KALRN: variants seen among roughly 807,000 people sequenced by gnomAD.
KALRN encodes the protein kalirin RhoGEF kinase.
A neutral mutation model predicts 353.7 loss-of-function variants in KALRN; 70 were observed. The ratio of observed to expected loss-of-function variants is 0.20; its 90% CI spans 0.16 to 0.24. The LOEUF is 0.24. Among genes scored for constraint, KALRN ranks in the 10% least tolerant of loss-of-function variants. KALRN has a pLI of 1.00. For missense variants in KALRN, 2,791 were observed against 3,756.7 expected, an observed-to-expected ratio of 0.74 and a Z score of 6.72; for synonymous variants, 1,391 against 1,434.8, an observed-to-expected ratio of 0.97 and a Z score of 0.69.
Position 124,659,470 on chromosome 3 carries a change from G to C in KALRN, c.6216+13G>C. The C allele has an allele frequency of 6.4e-7, 1 of 1,555,356 alleles. No individual in the cohort carries two copies. The highest frequency in any genetic ancestry group is 8.9e-7 in the Non-Finnish European group (1 of 1,126,518). Reference sequence around the variant, plus strand: ...GTTGCTCCTCAAGGTAAGAAGCTGGGAGCCTGGGTGAGGGCTGGAGAAGGA... The same window carrying C: ...GTTGCTCCTCAAGGTAAGAAGCTGGCAGCCTGGGTGAGGGCTGGAGAAGGA... On this transcript the variant is annotated intron_variant, in intron 43 of 59. Transcript: ENST00000682506.
intron 1 of KALRN, among the ~76,000 whole-genome samples, chr3:124,071,579 T>C (rs564527623): frequency 9.2e-5 from 14 of 152,358 alleles, no homozygotes; most frequent in African/African-American, 3.4e-4. Context: ...TTCTGGAGGC[T>C]GAGAAGTCCA....
chr3:124,116,682 T>TC (rs914946585), intron 1 of KALRN, among the ~76,000 whole-genome samples: 2 of 152,352 alleles, frequency 1.3e-5, no homozygotes, highest in Non-Finnish European at 2.9e-5. Flanking sequence ...CTATGTTTTT[T>TC]CCCTGTATGT....
chr3:124,639,057 A>G (rs2081705244), intron 37 of KALRN, among the ~76,000 whole-genome samples: 1 of 152,108 alleles, frequency 6.6e-6, no homozygotes, highest in African/African-American at 2.4e-5. Context: ...CCTTTCCACC[A>G]TCTAGTTATT....
At position 124,441,849 on chromosome 3, in the gene KALRN, A is replaced by T. The variant is rs536296288; in HGVS notation, c.3199-96A>T. On this transcript the variant is annotated intron_variant, in intron 18 of 59. Transcript: ENST00000682506. ...TCAAAAAAGAAAAAAAAAAAAAGCA[A>T]AAGAAAATATGGAAGGAAGGAGGGT... The T allele has an allele frequency of 5.5e-5, 41 of 744,618 alleles. 1 individual carries two copies. The highest frequency in any genetic ancestry group is 5.0e-4 in the East Asian group (17 of 34,146). The allele number at this position is 744,618 out of a possible 1,614,324, so 46.1% of individuals were successfully genotyped here.
At chr3:124,243,361 C>A (rs891367615) in intron 3 of KALRN, among the ~76,000 whole-genome samples, 6 of 152,114 alleles carry the variant, frequency 3.9e-5, no homozygotes, top group Non-Finnish European at 8.8e-5. Flanking sequence ...TGCGGAGAGA[C>A]ACATTTGTGA....
chr3:124,546,890 C>T (rs955362346), intron 33 of KALRN, among the ~76,000 whole-genome samples: 4 of 152,128 alleles, frequency 2.6e-5, no homozygotes, highest in Non-Finnish European at 5.9e-5. Flanking sequence ...TGTCTGTGGG[C>T]TTGGGGCAGG....
intron 47 of KALRN, among the ~76,000 whole-genome samples, chr3:124,668,286 A>T (rs2085931480): frequency 1.3e-5 from 2 of 152,196 alleles, no homozygotes; most frequent in African/African-American, 4.8e-5. Context: ...CATTTTCTGG[A>T]TGTCTAGAAT....
chr3:124,318,386 T>C (rs1166166711), intron 6 of KALRN, among the ~76,000 whole-genome samples: 1 of 152,188 alleles, frequency 6.6e-6, no homozygotes, highest in East Asian at 1.9e-4. Context: ...TCACATCTCA[T>C]AGCTATTGTA....
chr3:124,439,254 T>G (rs1029020524), intron 18 of KALRN, among the ~76,000 whole-genome samples: 1 of 138,264 alleles, frequency 7.2e-6, no homozygotes, highest in African/African-American at 3.0e-5. Flanking sequence ...TCAAACATGC[T>G]TCCCAGCCCC....
intron 1 of KALRN, chr3:124,152,394 A>T (rs1161163664): frequency 1.7e-6 from 2 of 1,211,118 alleles, no homozygotes; most frequent in Non-Finnish European, 2.4e-6. Context: ...TTGGGCTCAC[A>T]CTATTGATAC....
chr3:124,325,903 C>A, intron 6 of KALRN, 77 bp from the exon 7 acceptor site: 1 of 1,282,188 alleles, frequency 7.8e-7, no homozygotes, highest in Non-Finnish European at 1.1e-6. Flanking sequence ...CTCCCTTCCC[C>A]AAATATGTAC....
chr3:124,254,220 C>T (rs2071581095), intron 3 of KALRN, among the ~76,000 whole-genome samples: 1 of 152,116 alleles, frequency 6.6e-6, no homozygotes, highest in Non-Finnish European at 1.5e-5. Context: ...CCAGAGTTCT[C>T]ATGGTTTTAT....
At chr3:124,277,777 G>C (rs1291488817) in intron 5 of KALRN, among the ~76,000 whole-genome samples, 1 of 152,228 alleles carries the variant, frequency 6.6e-6, no homozygotes, top group African/African-American at 2.4e-5. Flanking sequence ...CAAGAGAGTG[G>C]AAGGTGCCAA....
intron 1 of KALRN, among the ~76,000 whole-genome samples, chr3:124,173,549 G>T (rs2072202925): frequency 6.6e-6 from 1 of 152,198 alleles, no homozygotes; most frequent in South Asian, 2.1e-4. Flanking sequence ...TTTTGCCTTG[G>T]CCTGCTGGCC....
At chr3:124,590,005 A>G (rs955252295) in intron 34 of KALRN, among the ~76,000 whole-genome samples, 3 of 151,996 alleles carry the variant, frequency 2.0e-5, no homozygotes, top group African/African-American at 7.3e-5. Flanking sequence ...CTCTATTTCT[A>G]TCTTTCTTTT....
chr3:124,632,916 A>G (rs1371913473), intron 35 of KALRN, among the ~76,000 whole-genome samples: 1 of 152,176 alleles, frequency 6.6e-6, no homozygotes, highest in Admixed American at 6.5e-5. Flanking sequence ...GCAGACAGAA[A>G]CCATTTGCCA....
chr3:124,237,873 T>G (rs1354403065), intron 3 of KALRN, among the ~76,000 whole-genome samples: 1 of 152,014 alleles, frequency 6.6e-6, no homozygotes, highest in African/African-American at 2.4e-5. Context: ...GCGTAGGAGA[T>G]GAACCAGCCA....
At chr3:124,403,534 A>T (rs901415562) in intron 13 of KALRN, among the ~76,000 whole-genome samples, 3 of 152,218 alleles carry the variant, frequency 2.0e-5, no homozygotes, top group Non-Finnish European at 2.9e-5. Flanking sequence ...AGGGAATGAT[A>T]TATCAATTCT....
At chr3:124,069,755 A>G (rs1455573889) in intron 1 of KALRN, among the ~76,000 whole-genome samples, 1 of 152,172 alleles carries the variant, frequency 6.6e-6, no homozygotes, top group Non-Finnish European at 1.5e-5. Flanking sequence ...TAAGTGCTCT[A>G]AAGGAGTAGA....
Sources: gnomAD v4.1 joint callset for allele counts (sites outside exome capture counted in the v4.1 genomes callset) on GRCh38, gnomAD v4.1.1 for gene constraint, MANE v1.5 for transcripts, NCBI Gene and HGNC (gene_info 2026-07-23, HGNC 2026-07-21) for gene names.